The following KCNT1 variants were observed in gnomAD, a reference collection of about 807,000 sequenced individuals.
KCNT1 encodes potassium channel subfamily T member 1.
Under a neutral mutation model 147.8 loss-of-function variants are expected in KCNT1, and 78 were observed. The ratio of observed to expected loss-of-function variants is 0.53; its 90% confidence interval spans 0.44 to 0.64. The LOEUF is 0.64. KCNT1 is among the 30% of genes least tolerant of loss of function. The pLI is 0.00. For synonymous variants in KCNT1, 867 were observed against 748.8 expected, an observed-to-expected ratio of 1.16 and a Z score of -2.58; for missense variants, 1,419 against 1,750.3, an observed-to-expected ratio of 0.81 and a Z score of 3.38.
At chr9:135,777,819 T>C (rs924355725) in intron 21 of KCNT1, among the ~76,000 whole-genome samples, 5 of 148,766 alleles carry the variant, frequency 3.4e-5, no homozygotes, top group Admixed American at 1.3e-4. Context: ...AGCTCCTCCT[T>C]GCTTCCAGCT....
chr9:135,732,107 G>A (rs925728924), intron 2 of KCNT1, among the ~76,000 whole-genome samples: 5 of 146,300 alleles, frequency 3.4e-5, no homozygotes, highest in East Asian at 4.1e-4. Flanking sequence ...TGCAACCTCC[G>A]CCTCCCAGGT....
At position 135,759,731 on chromosome 9, in the gene KCNT1, ACCT is replaced by A; in HGVS notation, c.911_913del (p.Ser304del). 6.2e-7 allele frequency: 1 copy of A among 1,612,588 alleles called. No individual in the cohort carries two copies. The highest frequency in any genetic ancestry group is 8.5e-7 in the Non-Finnish European group (1 of 1,179,514). ...GGCGGGCGAGAACCTGTCCCTCCTG[ACCT>A]CCTTCTACTTCTGCATCGTCACCTT... On this transcript the variant is annotated inframe_deletion, in exon 11 of 31. Transcript: ENST00000371757.
chr9:135,736,070 G>GC (rs987366142), intron 2 of KCNT1, among the ~76,000 whole-genome samples: 1 of 152,254 alleles, frequency 6.6e-6, no homozygotes, highest in South Asian at 2.1e-4. Flanking sequence ...ATCCCGGAGT[G>GC]CCCCCATGGG....
Position 135,770,009 on chromosome 9 carries a change from G to A in KCNT1, c.1573G>A (p.Ala525Thr). 1 of 1,556,898 alleles carries A rather than the reference G, an allele frequency of 6.4e-7. No homozygotes were observed. Among genetic ancestry groups the A allele is most frequent in the Non-Finnish European group, 8.7e-7 (1 of 1,150,596 alleles). The part of the protein sequence containing the change: ...AMLALNCICP[A>T]TSTLITLLVH... ...GCTGGCGCTGAACTGCATCTGCCCG[G>A]CGACCTCCACCCTCATCACCCTGCT... Residue 525 changes from alanine (A) to threonine (T), a missense_variant, in exon 16 of 31, where the codon GCG becomes ACG. By Grantham distance (58) the Ala-to-Thr change is moderately conservative. Around this residue, in one of 5 missense-constraint regions of KCNT1, gnomAD observed 401 missense variants for 610.6 expected, o/e 0.66. Coordinates refer to ENST00000371757, the MANE Select transcript of KCNT1 (RefSeq NM_020822.3).
intron 2 of KCNT1, among the ~76,000 whole-genome samples, chr9:135,716,157 C>A (rs1198903717): frequency 6.6e-6 from 1 of 152,176 alleles, no homozygotes; most frequent in Non-Finnish European, 1.5e-5. Flanking sequence ...CAGCACCAGC[C>A]CCTCAGATGC....
chr9:135,745,030 G>A (rs905789790), intron 2 of KCNT1, among the ~76,000 whole-genome samples: 1 of 152,214 alleles, frequency 6.6e-6, no homozygotes, highest in African/African-American at 2.4e-5. Flanking sequence ...GGTGGGGGTC[G>A]GGACCCGTGG....
chr9:135,755,176 G>T lies in KCNT1; in HGVS notation c.540+7G>T. On this transcript the variant is annotated splice_region_variant and intron_variant, in intron 6 of 30. Transcript: ENST00000371757. The stretch of plus-strand genomic sequence containing the variant: ...GACACTGTGGGCGATCCAGGTGAGT[G>T]CCCTACCCTGCCCCCCTCCCGACTG... The T allele has an allele frequency of 6.2e-7, 1 of 1,607,216 alleles. No individual in the cohort carries two copies. Among genetic ancestry groups the T allele is most frequent in the South Asian group, 1.1e-5 (1 of 90,066 alleles).
chr9:135,743,209 G>A (rs1428052495), intron 2 of KCNT1, among the ~76,000 whole-genome samples: 1 of 152,062 alleles, frequency 6.6e-6, no homozygotes, highest in African/African-American at 2.4e-5. Context: ...GCTGGGATGC[G>A]CTCTCGGAGG....
chr9:135,759,561 G>C, intron 10 of KCNT1, 118 bp from the exon 11 acceptor site: 10 of 1,125,238 alleles, frequency 8.9e-6, no homozygotes, highest in Non-Finnish European at 1.2e-5. Context: ...GGCTCGCCTG[G>C]TGATGCACAG....
At chr9:135,764,280 A>AC (rs1832105648) in intron 11 of KCNT1, among the ~76,000 whole-genome samples, 3 of 150,434 alleles carry the variant, frequency 2.0e-5, no homozygotes, top group Non-Finnish European at 4.5e-5. Flanking sequence ...ATGTAGTGAG[A>AC]CCCCATCTCT....
intron 11 of KCNT1, among the ~76,000 whole-genome samples, chr9:135,761,272 C>T (rs1439597021): frequency 6.6e-6 from 1 of 152,206 alleles, no homozygotes; most frequent in Non-Finnish European, 1.5e-5. Context: ...GTAAAGCTCG[C>T]CTCTCACCTG....
chr9:135,708,542 C>T (rs1401239611), intron 1 of KCNT1, among the ~76,000 whole-genome samples: 1 of 152,142 alleles, frequency 6.6e-6, no homozygotes, highest in East Asian at 1.9e-4. Context: ...CAAAGACAGT[C>T]ACAATCTTTT....
At position 135,768,259 on chromosome 9, in the gene KCNT1, ACTGGGATACCGGTG is replaced by A. The variant is rs1832450942; in HGVS notation, c.1338-350_1338-337del. Among the ~76,000 whole-genome samples, 6 of 1,466 alleles carry A rather than the reference ACTGGGATACCGGTG, an allele frequency of 4.1e-3. 2 individuals carry two copies. The highest frequency in any genetic ancestry group is 0.05 in the South Asian group (2 of 40). 1.0% of individuals were successfully genotyped at this position (1,466 alleles called of 152,430 possible). Reference sequence around the variant, plus strand: ...TGCCTGCGGGGGGGGGGGGGGGGGCACTGGGATACCGGTGGGGGGGGCACAGGGATGCCTGCTGG... The same window carrying A: ...TGCCTGCGGGGGGGGGGGGGGGGGCAGGGGGGGCACAGGGATGCCTGCTGG... On this transcript the variant is annotated intron_variant, in intron 13 of 30. Transcript: ENST00000371757.
At chr9:135,718,335 G>A (rs1295770209) in intron 2 of KCNT1, among the ~76,000 whole-genome samples, 1 of 152,178 alleles carries the variant, frequency 6.6e-6, no homozygotes, top group Non-Finnish European at 1.5e-5. Flanking sequence ...GGGTCTGGAG[G>A]CCATAGGGGG....
intron 19 of KCNT1, among the ~76,000 whole-genome samples, chr9:135,774,966 C>T (rs1415718815): frequency 6.6e-6 from 1 of 152,162 alleles, no homozygotes; most frequent in Non-Finnish European, 1.5e-5. Context: ...CCTGGCCTTG[C>T]AGCCGCTGCT....
chr9:135,759,727 C>T lies in KCNT1; in HGVS notation c.903C>T (p.Leu301=), dbSNP rs1588330751. The T allele has an allele frequency of 1.2e-6, 2 of 1,613,344 alleles. No homozygotes were observed. Among genetic ancestry groups the T allele is most frequent in the African/African-American group, 1.3e-5 (1 of 74,936 alleles). ...HLERAGENLS[L]LTSFYFCIVT... ...AGCGGGCGGGCGAGAACCTGTCCCT[C>T]CTGACCTCCTTCTACTTCTGCATCG... The change falls in exon 11 of 31, where the codon CTC becomes CTT. Residue 301 remains leucine, a synonymous_variant. Coordinates refer to ENST00000371757, the MANE Select transcript of KCNT1 (RefSeq NM_020822.3).
chr9:135,759,637 G>A (rs889486676), intron 10 of KCNT1, 42 bp from the exon 11 acceptor site: 2 of 1,554,150 alleles, frequency 1.3e-6, no homozygotes, highest in East Asian at 2.3e-5. Flanking sequence ...CGGCCCCCCA[G>A]CTCCTGGGCC....
chr9:135,783,706 G>T (rs1833791712), intron 24 of KCNT1, among the ~76,000 whole-genome samples: 1 of 152,252 alleles, frequency 6.6e-6, no homozygotes. Context: ...TTTCGGGATG[G>T]CAAGAGCAGG....
At chr9:135,751,396 C>T (rs1036910413) in intron 4 of KCNT1, among the ~76,000 whole-genome samples, 2 of 151,954 alleles carry the variant, frequency 1.3e-5, no homozygotes, top group African/African-American at 2.4e-5. Flanking sequence ...GGGAAGGGGG[C>T]GCCCAGTCCC....
Sources: gnomAD v4.1 joint callset for allele counts (sites outside exome capture counted in the v4.1 genomes callset) on GRCh38, gnomAD v4.1.1 for gene constraint, gnomAD v4.1.1 regional missense constraint, MANE v1.5 for transcripts, NCBI Gene and HGNC (gene_info 2026-07-23, HGNC 2026-07-21) for gene names.